Variants in NTN1 observed in about 807,000 individuals in gnomAD.
NTN1 encodes netrin 1.
Under a neutral mutation model 54.2 loss-of-function variants are expected in NTN1, and 11 were observed. The observed-to-expected ratio is 0.20, with a 90% CI of 0.13 to 0.34. The LOEUF (loss-of-function observed/expected upper bound fraction) is 0.34, where lower values mean the gene tolerates loss of function less well. Among genes scored for constraint, NTN1 ranks in the 10% least tolerant of loss-of-function variants. NTN1 has a pLI of 1.00. For synonymous variants in NTN1, 371 were observed against 382.0 expected (o/e 0.97, Z 0.33); for missense variants, 740 against 893.1 (o/e 0.83, Z 2.18).
At chr17:9,004,105 C>T in the NTN1 span, among the ~76,000 whole-genome samples, 1 of 152,206 alleles carries the variant, frequency 6.6e-6, no homozygotes, top group Non-Finnish European at 1.5e-5. Flanking sequence ...ATCAAACGCG[C>T]ATCTAGAAGG....
At chr17:9,132,482 G>A (rs964424224) in intron 2 of NTN1, among the ~76,000 whole-genome samples, 4 of 152,118 alleles carry the variant, frequency 2.6e-5, no homozygotes, top group Admixed American at 6.6e-5. Flanking sequence ...AACTTTTCAC[G>A]TGCAGCTGCC....
rs556669242 is a variant in NTN1 at position 9,027,121 on chromosome 17, A to T, written c.1018+3730A>T. Among the ~76,000 whole-genome samples, 12 of 152,300 alleles carry T rather than the reference A, an allele frequency of 7.9e-5. No individual in the cohort carries two copies. In the South Asian group the frequency reaches 2.5e-3, roughly 32 times the overall value. On this transcript the variant is annotated intron_variant, in intron 2 of 6. Transcript: ENST00000173229. Reference sequence around the variant, plus strand: ...GGGAGGTTATATTGGAGGTGTTGCCATGAGAAATCCAATGCCCCACTAAAG... The same window carrying T: ...GGGAGGTTATATTGGAGGTGTTGCCTTGAGAAATCCAATGCCCCACTAAAG...
At chr17:9,021,184 G>A (rs1188001896), upstream of NTN1, among the ~76,000 whole-genome samples, 2 of 151,900 alleles carry the variant, frequency 1.3e-5, no homozygotes, top group Admixed American at 6.5e-5. Flanking sequence ...GAGGCTCTCC[G>A]GGCGGCGCGG....
chr17:9,102,430 C>G (rs1019357142), intron 2 of NTN1, among the ~76,000 whole-genome samples: 2 of 152,160 alleles, frequency 1.3e-5, no homozygotes, highest in African/African-American at 4.8e-5. Flanking sequence ...TATCACAGGA[C>G]CAGGATTGGG....
intron 6 of NTN1, among the ~76,000 whole-genome samples, chr17:9,227,926 C>G (rs1905654605): frequency 6.6e-6 from 1 of 152,114 alleles, no homozygotes; most frequent in Non-Finnish European, 1.5e-5. Context: ...CAGCATCACA[C>G]ATGCACACAC....
intron 2 of NTN1, among the ~76,000 whole-genome samples, chr17:9,082,716 T>TC (rs1224566443): frequency 6.6e-6 from 1 of 150,822 alleles, no homozygotes; most frequent in African/African-American, 2.4e-5. Context: ...TCTCGCCTTT[T>TC]TTTTTTTTTT....
At chr17:9,070,541 A>G (rs1019549515) in intron 2 of NTN1, among the ~76,000 whole-genome samples, 4 of 150,576 alleles carry the variant, frequency 2.7e-5, no homozygotes, top group African/African-American at 1.0e-4. Flanking sequence ...CTCCTGCCCT[A>G]CTTGTCGGGT....
chr17:9,145,020 C>T (rs1002601938), intron 2 of NTN1, among the ~76,000 whole-genome samples: 4 of 152,194 alleles, frequency 2.6e-5, no homozygotes, highest in Non-Finnish European at 2.9e-5. Context: ...GCGGCGGGGG[C>T]CAGTGGCGAG....
chr17:9,204,160 A>G (rs999515504), intron 5 of NTN1, among the ~76,000 whole-genome samples: 1 of 141,552 alleles, frequency 7.1e-6, no homozygotes, highest in Non-Finnish European at 1.5e-5. Flanking sequence ...GCAAGGATAG[A>G]CCACCCTTAG....
At chr17:9,200,396 ACT>A (rs1382757931) in intron 5 of NTN1, among the ~76,000 whole-genome samples, 1 of 152,164 alleles carries the variant, frequency 6.6e-6, no homozygotes, top group Non-Finnish European at 1.5e-5. Context: ...ACACAGGATA[ACT>A]CTGCCCGCCG....
chr17:9,054,613 A>G (rs1345569917), intron 2 of NTN1, among the ~76,000 whole-genome samples: 1 of 152,274 alleles, frequency 6.6e-6, no homozygotes, highest in Non-Finnish European at 1.5e-5. Flanking sequence ...GAGAGAAATC[A>G]TTCAGAACAA....
chr17:9,085,400 G>T (rs73266110), intron 2 of NTN1, among the ~76,000 whole-genome samples: 2,531 of 152,316 alleles, frequency 0.017, 71 homozygotes, highest in African/African-American at 0.057. Flanking sequence ...GAAGTTACGC[G>T]TGTCATTTCC....
chr17:9,099,180 G>A (rs947183928), intron 2 of NTN1, among the ~76,000 whole-genome samples: 3 of 152,204 alleles, frequency 2.0e-5, no homozygotes, highest in Non-Finnish European at 2.9e-5. Flanking sequence ...GAGGCGGGTG[G>A]ATCACCTGAG....
At chr17:9,107,412 A>C (rs2092170973) in intron 2 of NTN1, among the ~76,000 whole-genome samples, 1 of 152,238 alleles carries the variant, frequency 6.6e-6, no homozygotes, top group African/African-American at 2.4e-5. Context: ...TGTGAAAGAC[A>C]TGTGGGCACT....
chr17:9,195,028 C>T (rs1435801549), intron 5 of NTN1, among the ~76,000 whole-genome samples: 2 of 151,914 alleles, frequency 1.3e-5, no homozygotes, highest in Non-Finnish European at 1.5e-5. Context: ...TGTCTGTCTC[C>T]CTCTCTCTCT....
At chr17:9,228,749 A>G (rs1030571259) in intron 6 of NTN1, among the ~76,000 whole-genome samples, 1 of 151,804 alleles carries the variant, frequency 6.6e-6, no homozygotes, top group African/African-American at 2.4e-5. Context: ...TCCCACAAGG[A>G]TGATTTCTGA....
chr17:9,235,025 C>T (rs28558684), intron 6 of NTN1, among the ~76,000 whole-genome samples: 36,560 of 140,134 alleles, frequency 0.26, 4,683 homozygotes, highest in Middle Eastern at 0.29. Flanking sequence ...TGCAGTGGTG[C>T]GATCTCGGCT....
intron 2 of NTN1, among the ~76,000 whole-genome samples, chr17:9,042,502 C>A (rs1007252540): frequency 0.014 from 2 of 142 alleles, no homozygotes; most frequent in African/African-American, 0.071. Context: ...AAAAAAAAAA[C>A]TGTGAGGCTG....
At chr17:9,128,309 CAAAA>C (rs11356490) in intron 2 of NTN1, among the ~76,000 whole-genome samples, 6 of 124,070 alleles carry the variant, frequency 4.8e-5, no homozygotes, top group Non-Finnish European at 5.2e-5. Context: ...GACTCTGTCT[CAAAA>C]AAAAAAAAAA....
Sources: allele counts gnomAD v4.1 joint callset (sites outside exome capture counted in the v4.1 genomes callset), GRCh38; gene constraint gnomAD v4.1.1; transcripts MANE v1.5; gene names NCBI Gene and HGNC (gene_info 2026-07-23, HGNC 2026-07-21).